LSMEM2: variants seen among roughly 807,000 people sequenced by gnomAD.
The protein encoded by LSMEM2 is leucine rich single-pass membrane protein 2.
In LSMEM2, 20 loss-of-function variants were observed where a neutral mutation model predicts 17.3. The observed-to-expected ratio is 1.16, with a 90% CI of 0.81 to 1.68. LSMEM2 has a LOEUF of 1.68. Ranked by LOEUF, LSMEM2 falls within the 40% of genes most tolerant of loss-of-function variation. LSMEM2 has a pLI of 0.00. For synonymous variants in LSMEM2, 94 were observed against 97.8 expected, an observed-to-expected ratio of 0.96 and a Z score of 0.23; for missense variants, 207 against 214.3, an observed-to-expected ratio of 0.97 and a Z score of 0.21.
intron 1 of LSMEM2, among the ~76,000 whole-genome samples, chr3:50,283,458 T>C (rs1050029429): frequency 8.6e-5 from 13 of 151,724 alleles, no homozygotes; most frequent in African/African-American, 2.9e-4. Context: ...AAACCCCATC[T>C]CTACTAAAAA....
At chr3:50,286,112 G>A (rs2109268952) in intron 1 of LSMEM2, among the ~76,000 whole-genome samples, 1 of 152,352 alleles carries the variant, frequency 6.6e-6, no homozygotes. Context: ...CAGGCATTGG[G>A]TCTGCAGGGA....
At chr3:50,282,692 G>A (rs921384717) in intron 1 of LSMEM2, among the ~76,000 whole-genome samples, 5 of 151,808 alleles carry the variant, frequency 3.3e-5, no homozygotes, top group Admixed American at 6.6e-5. Flanking sequence ...CAAGACCAGC[G>A]TGGCCAAAAT....
intron 1 of LSMEM2, among the ~76,000 whole-genome samples, chr3:50,280,586 CTTTCT>C (rs1471188015): frequency 4.6e-5 from 7 of 150,678 alleles, no homozygotes; most frequent in South Asian, 2.1e-4. Context: ...CCACCTTGGC[CTTTCT>C]TTTCTTTTTT....
At chr3:50,281,387 G>C (rs2109261527) in intron 1 of LSMEM2, among the ~76,000 whole-genome samples, 1 of 124,392 alleles carries the variant, frequency 8.0e-6, no homozygotes, top group Non-Finnish European at 1.6e-5. Flanking sequence ...TTCTGAGACG[G>C]AGTCTTGCTC....
At chr3:50,283,906 A>G (rs1227506181) in intron 1 of LSMEM2, among the ~76,000 whole-genome samples, 1 of 152,216 alleles carries the variant, frequency 6.6e-6, no homozygotes, top group Non-Finnish European at 1.5e-5. Context: ...TCAAATTGAT[A>G]ATTAAGAAGC....
Position 50,286,476 on chromosome 3 carries a change from G to T in LSMEM2, c.64G>T (p.Val22Leu). ...AMPEETQEDS[V>L]APMMPSQRSR... ...AGCCTGCGCTGCCCCTGCAGACTCC[G>T]TGGCGCCAATGATGCCCAGCCAGAG... The change falls in exon 2 of 4, where the codon GTG becomes TTG. Residue 22 changes from valine to leucine, a missense_variant. Val to Leu is a conservative substitution (Grantham distance 32, BLOSUM62 1). Coordinates refer to ENST00000316436, the MANE Select transcript of LSMEM2 (RefSeq NM_153215.3). 1 of 1,601,590 alleles carries T rather than the reference G, an allele frequency of 6.2e-7. No homozygotes were observed.
rs10656924 is a variant in LSMEM2 at position 50,280,177 on chromosome 3, C to CTTTTTTTTT, written c.58+1011_58+1019dup. Among the ~76,000 whole-genome samples the CTTTTTTTTT allele has an allele frequency of 1.8e-4, 21 of 117,630 alleles. 2 individuals are homozygous for CTTTTTTTTT. Among genetic ancestry groups the CTTTTTTTTT allele is most frequent in the East Asian group, 4.9e-4 (2 of 4,074 alleles). 77.2% of individuals were successfully genotyped at this position (117,630 alleles called of 152,430 possible). On this transcript the variant is annotated intron_variant, in intron 1 of 3. Transcript: ENST00000316436. ...GGTGAGCCACCGCGCCTGGCCTCAA[C>CTTTTTTTTT]TTTTTTTTTTTTTGTCACCCAGGCT... is the stretch of plus-strand genomic sequence containing the variant.
intron 1 of LSMEM2, among the ~76,000 whole-genome samples, chr3:50,285,588 C>T (rs1217510120): frequency 2.0e-5 from 3 of 151,980 alleles, no homozygotes; most frequent in Admixed American, 1.3e-4. Flanking sequence ...TGCAGTGAGG[C>T]GAGATCACGA....
In LSMEM2 at chr3:50,287,441, G is replaced by A. The variant is rs1701576898; in HGVS notation, c.*239G>A. 1 of 579,844 alleles carries A rather than the reference G, an allele frequency of 1.7e-6. No individual in the cohort carries two copies. Among genetic ancestry groups the A allele is most frequent in the Admixed American group, 3.1e-5 (1 of 32,580 alleles). 35.9% of individuals were successfully genotyped at this position (579,844 alleles called of 1,614,324 possible). A position where few individuals can be genotyped will look rare whatever the true frequency, so the allele number is the denominator to read the frequency against. On this transcript the variant is annotated 3_prime_UTR_variant, in exon 4 of 4. Transcript: ENST00000316436. ...TTTGGGTGGCCCAAGGTCAGGGGAA[G>A]GGGCACCAGCCTCCTGGCTCCTCCT... is the stretch of plus-strand genomic sequence containing the variant.
Position 50,279,136 on chromosome 3 carries a change from G to A in LSMEM2, c.23G>A (p.Cys8Tyr). The A allele has an allele frequency of 1.2e-6, 2 of 1,614,136 alleles. No homozygotes were observed. Among genetic ancestry groups the A allele is most frequent in the Non-Finnish European group, 1.7e-6 (2 of 1,180,010 alleles). The change falls in exon 1 of 4, where the codon TGC becomes TAC. Residue 8 changes from cysteine (C) to tyrosine (Y), a missense_variant. Physicochemically the swap from Cys to Tyr is radical, Grantham distance 194 (BLOSUM62 -2). Transcript: ENST00000316436. ...TGGATGCCATCATTGGCCCCCGACT[G>A]CCCACTGCTTGCCATGCCTGAGGAG... Reference protein sequence around the residue: MPSLAPDCPLLAMPEETQ... With the variant: MPSLAPDYPLLAMPEETQ...
Position 50,286,676 on chromosome 3 carries a change from G to A in LSMEM2, c.175G>A (p.Gly59Ser). 1.2e-6 allele frequency: 2 copies of A among 1,613,430 alleles called. No homozygotes were observed. The highest frequency in any genetic ancestry group is 1.7e-6 in the Non-Finnish European group (2 of 1,179,538). The change falls in exon 3 of 4, where the codon GGC (glycine) becomes AGC (serine). Residue 59 changes from glycine (G) to serine (S), a missense_variant and splice_region_variant. Gly to Ser is a moderately conservative substitution (Grantham distance 56). Transcript: ENST00000316436. ...ESISDLHSGA[G>S]TLRPYLTEEA... ...CTCCCAATGTCCCATCCACCCAGCA[G>A]GCACACTGCGCCCCTATCTAACTGA...
chr3:50,286,138 G>A (rs1701517416), intron 1 of LSMEM2, among the ~76,000 whole-genome samples: 1 of 152,216 alleles, frequency 6.6e-6, no homozygotes, highest in Admixed American at 6.5e-5. Flanking sequence ...GACAAAAGAG[G>A]CAGGACTGAA....
rs1559799965 is a variant in LSMEM2 at position 50,287,078 on chromosome 3, G to GT, written c.372dup (p.Glu125Ter). 2.5e-6 allele frequency: 4 copies of GT among 1,614,174 alleles called. No individual in the cohort carries two copies. The highest frequency in any genetic ancestry group is 3.4e-6 in the Non-Finnish European group (4 of 1,180,018). On this transcript the variant is annotated frameshift_variant, in exon 4 of 4. Transcript: ENST00000316436. LOFTEE classifies it high-confidence loss of function. ...CACTTCCCATTCACAGTGCTGCAGA[G>GT]TGAATCCCTGCGCATCCTGGCACAC...
In LSMEM2 at chr3:50,287,222, G is replaced by A. The variant is rs1387926291; in HGVS notation, c.*20G>A. ...AGCTGAGATGCCATTTGGATCTGGG[G>A]CCTGGGGGTGTGTGTTGGTGGGGGA... On this transcript the variant is annotated 3_prime_UTR_variant, in exon 4 of 4. Transcript: ENST00000316436. 3.7e-6 allele frequency: 6 copies of A among 1,613,204 alleles called. No homozygotes were observed. In the African/African-American group the frequency reaches 5.3e-5, roughly 14 times the overall value.
rs1173319277 is a variant in LSMEM2, at chr3:50,287,520, A to AAT, written c.*320_*321dup. The AAT allele has an allele frequency of 9.5e-5, 37 of 390,060 alleles. No homozygotes were observed. The highest frequency in any genetic ancestry group is 1.4e-4 in the Non-Finnish European group (29 of 208,380). The allele number at this position is 390,060 out of a possible 1,614,324, so 24.2% of individuals were successfully genotyped here. ...CAGATGGCAGGTTCTGAAGTCTAGAAATAGCTGCCCCCATAGCAATCACCC... is the reference window on the plus strand; with the variant it reads ...CAGATGGCAGGTTCTGAAGTCTAGAAATATAGCTGCCCCCATAGCAATCACCC... On this transcript the variant is annotated 3_prime_UTR_variant, in exon 4 of 4. Coordinates refer to ENST00000316436, the MANE Select transcript of LSMEM2 (RefSeq NM_153215.3).
Position 50,287,229 on chromosome 3 carries a change from G to GGTGT in LSMEM2, c.*32_*35dup, listed in dbSNP as rs782321866. On this transcript the variant is annotated 3_prime_UTR_variant, in exon 4 of 4. Coordinates refer to ENST00000316436, the MANE Select transcript of LSMEM2 (RefSeq NM_153215.3). ...ATGCCATTTGGATCTGGGGCCTGGG[G>GGTGT]GTGTGTGTTGGTGGGGGAATAAAGT... 89 of 1,612,752 alleles carry GGTGT rather than the reference G, an allele frequency of 5.5e-5. No homozygotes were observed. The African/African-American group carries it at 1.1e-3, about 20-fold the overall frequency.
chr3:50,285,798 C>T (rs1434532882), intron 1 of LSMEM2, among the ~76,000 whole-genome samples: 2 of 151,950 alleles, frequency 1.3e-5, no homozygotes, highest in African/African-American at 4.8e-5. Context: ...GCCAAGATCG[C>T]GCCATTGCGC....
intron 1 of LSMEM2, among the ~76,000 whole-genome samples, chr3:50,284,687 C>T (rs1701476061): frequency 4.0e-5 from 6 of 151,878 alleles, no homozygotes; most frequent in Admixed American, 2.6e-4. Flanking sequence ...GAACTGTGAT[C>T]ACTCCACTGA....
At chr3:50,286,606 G>A (rs1553708518) in intron 2 of LSMEM2, 22 bp downstream of exon 2, 1 of 1,611,566 alleles carries the variant, frequency 6.2e-7, no homozygotes, top group South Asian at 1.1e-5. Context: ...CAGTGGGGTG[G>A]ATGATGTGCT....
Sources: allele counts gnomAD v4.1 joint callset (sites outside exome capture counted in the v4.1 genomes callset), GRCh38; gene constraint gnomAD v4.1.1; transcripts MANE v1.5; gene names NCBI Gene and HGNC (gene_info 2026-07-23, HGNC 2026-07-21).